Variants in PEAK1 observed in about 807,000 individuals in gnomAD.
The protein encoded by PEAK1 is inactive tyrosine-protein kinase PEAK1.
A neutral mutation model predicts 124.7 loss-of-function variants in PEAK1; 54 were observed. That is an observed-to-expected ratio of 0.43 (90% CI 0.35 to 0.54). PEAK1 has a LOEUF of 0.54. PEAK1 is among the 20% of genes least tolerant of loss of function. The probability of loss-of-function intolerance (pLI) is 0.01; values close to 1 mark genes in which losing one functional copy is unlikely to be tolerated. For synonymous variants in PEAK1, 719 were observed against 760.0 expected, an observed-to-expected ratio of 0.95 and a Z score of 0.89; for missense variants, 2,046 against 2,134.5, an observed-to-expected ratio of 0.96 and a Z score of 0.82.
intron 8 of PEAK1, chr15:77,156,126 C>T (rs2055116517): frequency 6.5e-6 from 1 of 153,244 alleles, no homozygotes; most frequent in African/African-American, 2.4e-5. Flanking sequence ...CAGGCAGGCC[C>T]CCTTGAGCTG....
intron 2 of PEAK1, among the ~76,000 whole-genome samples, chr15:77,299,391 CTTG>C (rs1471179343): frequency 6.6e-6 from 1 of 152,144 alleles, no homozygotes; most frequent in Non-Finnish European, 1.5e-5. Flanking sequence ...TCCCTAATAA[CTTG>C]TTTATAATTC....
chr15:77,114,685 A>C lies in PEAK1; in HGVS notation c.4712T>G (p.Leu1571Arg). 6.2e-7 allele frequency: 1 copy of C among 1,613,624 alleles called. No individual in the cohort carries two copies. The highest frequency in any genetic ancestry group is 1.1e-5 in the South Asian group (1 of 91,030). ...TGGGGCAAGGCGAGACTGGTCCCGG[A>C]GGATCTCGGGGTCCACCAGATGGCT... ...QKSHLVDPEI[L>R]RDQSRLAPEI... The change falls in exon 10 of 10, where the codon CTC (leucine) becomes CGC (arginine). Residue 1571 changes from leucine (L) to arginine (R), a missense_variant. Leu to Arg is a moderately radical substitution (Grantham distance 102). Transcript: ENST00000682557.
intron 5 of PEAK1, chr15:77,278,819 C>T: frequency 3.6e-6 from 1 of 277,944 alleles, no homozygotes; most frequent in Non-Finnish European, 6.8e-6. Context: ...TATAAAAATG[C>T]AAAATTTTGT....
intron 5 of PEAK1, among the ~76,000 whole-genome samples, chr15:77,265,271 A>G (rs1300543801): frequency 3.3e-5 from 5 of 152,182 alleles, no homozygotes; most frequent in Non-Finnish European, 7.4e-5. Context: ...TAATTAAACT[A>G]AAGAGCTTCT....
chr15:77,413,233 T>C (rs918838562), intron 1 of PEAK1, among the ~76,000 whole-genome samples: 8 of 152,350 alleles, frequency 5.3e-5, no homozygotes, highest in African/African-American at 1.9e-4. Context: ...GTGGTTTTAA[T>C]ATATGTCCAC....
rs565909976 is a variant in PEAK1, at chr15:77,347,084, A to G, written c.-603+18079T>C. 295 of 431,978 alleles carry G rather than the reference A, an allele frequency of 6.8e-4. 1 individual carries two copies. Among genetic ancestry groups the G allele is most frequent in the Non-Finnish European group, 7.8e-4 (252 of 323,872 alleles). The allele number at this position is 431,978 out of a possible 1,614,324, so 26.8% of individuals were successfully genotyped here. On this transcript the variant is annotated intron_variant, in intron 2 of 9. Coordinates refer to ENST00000682557, the MANE Select transcript of PEAK1 (RefSeq NM_001385026.1). Reference sequence around the variant, plus strand: ...TCTGAGGGAAGACCATTCCTTGCAGAGGGACAAGGAGTAGAAGACTTGCAA... The same window carrying G: ...TCTGAGGGAAGACCATTCCTTGCAGGGGGACAAGGAGTAGAAGACTTGCAA...
chr15:77,137,338 C>G (rs1417296533), intron 8 of PEAK1, among the ~76,000 whole-genome samples: 1 of 152,200 alleles, frequency 6.6e-6, no homozygotes, highest in African/African-American at 2.4e-5. Context: ...AATGGTAGAT[C>G]CACTGACAGC....
At chr15:77,193,828 A>AAACTAAACTG (rs2057973048) in intron 6 of PEAK1, among the ~76,000 whole-genome samples, 1 of 151,482 alleles carries the variant, frequency 6.6e-6, no homozygotes, top group African/African-American at 2.4e-5. Flanking sequence ...AAACTAAACT[A>AAACTAAACTG]AACTAAACTA....
rs1377616496 is a variant in PEAK1 at position 77,133,972 on chromosome 15, C to T, written c.3332-222G>A. ...ACGACAAATATGCATAATGTCTTGG[C>T]CTTGTCTAGGAACAGGGCACTGGTT... is the stretch of plus-strand genomic sequence containing the variant. On this transcript the variant is annotated intron_variant, in intron 8 of 9. Coordinates refer to ENST00000682557, the MANE Select transcript of PEAK1 (RefSeq NM_001385026.1). This position sits in a 1 kb window ranked among gnomAD's most constrained non-coding sequence, Gnocchi z 4.2. 6.6e-6 allele frequency among the ~76,000 whole-genome samples: 1 copy of T among 152,068 alleles called. No individual in the cohort carries two copies. The highest frequency in any genetic ancestry group is 1.9e-4 in the East Asian group (1 of 5,194).
intron 6 of PEAK1, among the ~76,000 whole-genome samples, chr15:77,202,617 A>T (rs191493959): frequency 9.9e-5 from 15 of 152,034 alleles, no homozygotes; most frequent in African/African-American, 2.9e-4. Flanking sequence ...AAAATAAAAA[A>T]AAAATAGCTG....
intron 2 of PEAK1, among the ~76,000 whole-genome samples, chr15:77,353,651 ACT>A: frequency 6.6e-6 from 1 of 152,344 alleles, no homozygotes; most frequent in African/African-American, 2.4e-5. Context: ...GAATGTCCAA[ACT>A]GTCAACTGGT....
intron 8 of PEAK1, among the ~76,000 whole-genome samples, chr15:77,150,871 C>T (rs1033177979): frequency 1.3e-4 from 20 of 152,194 alleles, no homozygotes; most frequent in African/African-American, 4.6e-4. Context: ...CATAGTATTC[C>T]ATGGTGTATA....
intron 6 of PEAK1, among the ~76,000 whole-genome samples, chr15:77,192,996 A>G (rs1241479133): frequency 2.6e-5 from 4 of 152,246 alleles, no homozygotes; most frequent in Non-Finnish European, 5.9e-5. Flanking sequence ...CATATTTCAC[A>G]GAATGAACAT....
intron 5 of PEAK1, chr15:77,278,685 A>G (rs1430366770): frequency 1.9e-6 from 1 of 520,306 alleles, no homozygotes; most frequent in African/African-American, 1.9e-5. Context: ...GAAAATGGAG[A>G]TGCCAAAACA....
intron 2 of PEAK1, among the ~76,000 whole-genome samples, chr15:77,321,218 C>T (rs551029281): frequency 1.3e-5 from 2 of 152,170 alleles, no homozygotes; most frequent in Non-Finnish European, 2.9e-5. Flanking sequence ...AGTTCTAGAG[C>T]CCTGAGGCAT....
intron 5 of PEAK1, among the ~76,000 whole-genome samples, chr15:77,263,911 G>C (rs1030774066): frequency 2.0e-5 from 3 of 152,098 alleles, no homozygotes; most frequent in African/African-American, 4.8e-5. Flanking sequence ...TATCTACCAT[G>C]ATCAAGTGGG....
At chr15:77,285,192 G>C (rs766068457) in intron 3 of PEAK1, 137 bp from the exon 4 acceptor site, 3 of 151,676 alleles carry the variant, frequency 2.0e-5, no homozygotes, top group Non-Finnish European at 4.4e-5. Flanking sequence ...ATGTGATCTC[G>C]GACAATTTGC....
At chr15:77,335,973 G>A (rs574806133) in intron 2 of PEAK1, 2 of 985,400 alleles carry the variant, frequency 2.0e-6, no homozygotes, top group East Asian at 1.1e-4. Context: ...TAGGTATAAT[G>A]ATGGACTAGT....
chr15:77,309,119 T>C (rs981061312), intron 2 of PEAK1, among the ~76,000 whole-genome samples: 2 of 152,136 alleles, frequency 1.3e-5, no homozygotes, highest in Non-Finnish European at 2.9e-5. Context: ...ATATTAATAC[T>C]TTAGCACCTG....
Sources: gnomAD v4.1 joint callset for allele counts (sites outside exome capture counted in the v4.1 genomes callset) on GRCh38, gnomAD v4.1.1 for gene constraint, Gnocchi (gnomAD v3.1) non-coding constraint, MANE v1.5 for transcripts, NCBI Gene and HGNC (gene_info 2026-07-23, HGNC 2026-07-21) for gene names.